The following ZEB1 variants were observed in gnomAD, a reference collection of about 807,000 sequenced individuals.
ZEB1 encodes the protein zinc finger E-box-binding homeobox 1.
ZEB1 carries 21 observed loss-of-function variants against 84.9 expected under a neutral mutation model. That is an observed-to-expected ratio of 0.25 (90% confidence interval 0.18 to 0.36). ZEB1 has a LOEUF of 0.36. Ranked by LOEUF, ZEB1 falls within the 10% of genes least tolerant of loss-of-function variation. The pLI is 1.00. For missense variants in ZEB1, 1,104 were observed against 1,330.2 expected, an observed-to-expected ratio of 0.83 and a Z score of 2.65; for synonymous variants, 420 against 471.1, an observed-to-expected ratio of 0.89 and a Z score of 1.41.
chr10:31,499,889 A>T (rs1039964740), intron 3 of ZEB1, among the ~76,000 whole-genome samples: 4 of 152,098 alleles, frequency 2.6e-5, no homozygotes, highest in Non-Finnish European at 5.9e-5. Context: ...TTTGTATGTT[A>T]AAAAAATCTT....
Position 31,411,656 on chromosome 10 carries a change from AG to A in ZEB1, c.59-49380del, listed in dbSNP as rs1246363796. Among the ~76,000 whole-genome samples the A allele has an allele frequency of 5.4e-3, 804 of 148,718 alleles. 7 individuals carry two copies. The highest frequency in any genetic ancestry group is 0.018 in the African/African-American group (744 of 40,354). Reference sequence around the variant, plus strand: ...TCCGTCTCAAAAAAAAAAAAAAAAAAGCAGCATTAGGAGAGAAATTTATAGC... The same window carrying A: ...TCCGTCTCAAAAAAAAAAAAAAAAAACAGCATTAGGAGAGAAATTTATAGC... On this transcript the variant is annotated intron_variant, in intron 1 of 8. Coordinates refer to ENST00000424869, the MANE Select transcript of ZEB1 (RefSeq NM_001174096.2).
chr10:31,461,721 C>G (rs1225256631), intron 2 of ZEB1, among the ~76,000 whole-genome samples: 1 of 151,986 alleles, frequency 6.6e-6, no homozygotes, highest in Non-Finnish European at 1.5e-5. Context: ...TACTTTTACT[C>G]AAAGTATGGC....
At chr10:31,340,697 A>G (rs1443654588) in intron 1 of ZEB1, among the ~76,000 whole-genome samples, 1 of 152,180 alleles carries the variant, frequency 6.6e-6, no homozygotes, top group Non-Finnish European at 1.5e-5. Context: ...CACAAAACAG[A>G]CACTTGTATA....
At chr10:31,349,404 C>T (rs2040903500) in intron 1 of ZEB1, among the ~76,000 whole-genome samples, 1 of 152,156 alleles carries the variant, frequency 6.6e-6, no homozygotes, top group Non-Finnish European at 1.5e-5. Flanking sequence ...ACCTCATCAA[C>T]ACACTGATTT....
At chr10:31,391,748 C>T (rs1306225381) in intron 1 of ZEB1, among the ~76,000 whole-genome samples, 7 of 152,150 alleles carry the variant, frequency 4.6e-5, no homozygotes, top group Non-Finnish European at 1.0e-4. Flanking sequence ...CTACAAAAGA[C>T]CTGAAATATA....
At chr10:31,408,898 A>G (rs1175235514) in intron 1 of ZEB1, among the ~76,000 whole-genome samples, 1 of 150,144 alleles carries the variant, frequency 6.7e-6, no homozygotes, top group African/African-American at 2.5e-5. Flanking sequence ...GACAAATGGG[A>G]TCTAATTAAA....
intron 1 of ZEB1, among the ~76,000 whole-genome samples, chr10:31,416,117 AT>A (rs996660687): frequency 7.4e-4 from 112 of 151,876 alleles, no homozygotes; most frequent in African/African-American, 2.6e-3. Context: ...CTAAGAAGTG[AT>A]TTTTTTTCAG....
chr10:31,406,592 G>C (rs965015650), intron 1 of ZEB1, among the ~76,000 whole-genome samples: 1 of 149,462 alleles, frequency 6.7e-6, no homozygotes, highest in Admixed American at 6.7e-5. Context: ...CTGGATATTA[G>C]CCTTCTGTCA....
chr10:31,463,655 A>G (rs1000258849), intron 2 of ZEB1, among the ~76,000 whole-genome samples: 1 of 152,194 alleles, frequency 6.6e-6, no homozygotes, highest in Admixed American at 6.5e-5. Context: ...TATTCAGGGA[A>G]TGGAGGATTG....
At chr10:31,465,410 G>T (rs913353767) in intron 2 of ZEB1, among the ~76,000 whole-genome samples, 7 of 150,542 alleles carry the variant, frequency 4.6e-5, no homozygotes, top group African/African-American at 1.7e-4. Context: ...ATAATTAAAA[G>T]AAAAAAACTG....
intron 1 of ZEB1, among the ~76,000 whole-genome samples, chr10:31,450,230 T>G (rs1033714578): frequency 1.2e-4 from 19 of 152,236 alleles, no homozygotes; most frequent in African/African-American, 4.1e-4. Flanking sequence ...ATTCAAATAT[T>G]TGATGACTTT....
At position 31,361,800 on chromosome 10, in the gene ZEB1, C is replaced by T. The variant is rs143264791; in HGVS notation, c.58+42508C>T. On this transcript the variant is annotated intron_variant, in intron 1 of 8. Transcript: ENST00000424869. The stretch of plus-strand genomic sequence containing the variant: ...GGCACTCCTCACTTCACAGACAGGA[C>T]GGCAGCAGGGCAGAGGCGCTCCTCA... 2.6e-3 allele frequency among the ~76,000 whole-genome samples: 391 copies of T among 148,680 alleles called. 4 individuals carry two copies. Among genetic ancestry groups the T allele is most frequent in the African/African-American group, 8.8e-3 (352 of 40,048 alleles).
intron 4 of ZEB1, among the ~76,000 whole-genome samples, chr10:31,506,959 A>G (rs189623958): frequency 1.6e-3 from 248 of 152,176 alleles, no homozygotes; most frequent in Non-Finnish European, 2.8e-3. Context: ...ATTATGGTAG[A>G]TATCTTCCTG....
intron 1 of ZEB1, among the ~76,000 whole-genome samples, chr10:31,433,327 T>G (rs1419917545): frequency 6.6e-6 from 1 of 152,170 alleles, no homozygotes; most frequent in African/African-American, 2.4e-5. Context: ...AATTGCAAAA[T>G]TCAACTCAGC....
At chr10:31,380,658 T>C (rs2047463191) in intron 1 of ZEB1, among the ~76,000 whole-genome samples, 1 of 152,200 alleles carries the variant, frequency 6.6e-6, no homozygotes, top group South Asian at 2.1e-4. Context: ...AGAAGAAGTT[T>C]CCTTCATAAA....
chr10:31,420,723 A>T lies in ZEB1; in HGVS notation c.59-40314A>T, dbSNP rs952674979. ...TCCTACTTATACTCAAGGGAAGGGGATGATAGAAGACCATGGATCATTGGA... is the reference window on the plus strand; with the variant it reads ...TCCTACTTATACTCAAGGGAAGGGGTTGATAGAAGACCATGGATCATTGGA... On this transcript the variant is annotated intron_variant, in intron 1 of 8. Coordinates refer to ENST00000424869, the MANE Select transcript of ZEB1 (RefSeq NM_001174096.2). 2.0e-5 allele frequency among the ~76,000 whole-genome samples: 3 copies of T among 152,138 alleles called. No homozygotes were observed. The East Asian group carries it at 5.8e-4, about 29-fold the overall frequency.
chr10:31,469,083 A>G (rs1326644355), intron 2 of ZEB1, among the ~76,000 whole-genome samples: 1 of 152,222 alleles, frequency 6.6e-6, no homozygotes, highest in Non-Finnish European at 1.5e-5. Flanking sequence ...AAACAAATGG[A>G]ATATCTGAAA....
At chr10:31,475,084 T>C (rs1349737273) in intron 2 of ZEB1, among the ~76,000 whole-genome samples, 1 of 151,038 alleles carries the variant, frequency 6.6e-6, no homozygotes, top group African/African-American at 2.4e-5. Flanking sequence ...GGGGGAGGGA[T>C]AGCATTGGGA....
intron 1 of ZEB1, among the ~76,000 whole-genome samples, chr10:31,434,884 G>A (rs572112667): frequency 4.1e-4 from 63 of 152,230 alleles, no homozygotes; most frequent in Admixed American, 2.8e-3. Context: ...GCCCTGTAAA[G>A]CTTGGAATTT....
Sources: allele counts gnomAD v4.1 joint callset (sites outside exome capture counted in the v4.1 genomes callset), GRCh38; gene constraint gnomAD v4.1.1; transcripts MANE v1.5; gene names NCBI Gene and HGNC (gene_info 2026-07-23, HGNC 2026-07-21).